The following TMEM132C variants were observed in gnomAD, a reference collection of about 807,000 sequenced individuals.
TMEM132C encodes the protein transmembrane protein 132C.
TMEM132C carries 29 observed loss-of-function variants against 61.4 expected under a neutral mutation model. The observed-to-expected ratio is 0.47, with a 90% CI of 0.35 to 0.64. The LOEUF is 0.64. Among genes scored for constraint, TMEM132C ranks in the 30% least tolerant of loss-of-function variants. The pLI, the probability that TMEM132C is intolerant of heterozygous loss-of-function variation, is 0.00. For missense variants in TMEM132C, 1,408 were observed against 1,476.9 expected (o/e 0.95, Z 0.76); for synonymous variants, 656 against 633.1 (o/e 1.04, Z -0.54).
At chr12:128,402,939 G>A (rs1328959482) in intron 1 of TMEM132C, among the ~76,000 whole-genome samples, 6 of 152,296 alleles carry the variant, frequency 3.9e-5, no homozygotes, top group East Asian at 1.9e-4. Context: ...TAGCATCTGA[G>A]AGTGATTATG....
chr12:128,440,732 C>T (rs1869753845), intron 2 of TMEM132C, among the ~76,000 whole-genome samples: 1 of 152,158 alleles, frequency 6.6e-6, no homozygotes, highest in Non-Finnish European at 1.5e-5. Flanking sequence ...GGACCATTCT[C>T]CTGATATGAT....
chr12:128,412,546 G>A (rs1247090410), intron 1 of TMEM132C, among the ~76,000 whole-genome samples: 2 of 152,120 alleles, frequency 1.3e-5, no homozygotes, highest in Non-Finnish European at 2.9e-5. Flanking sequence ...CCCCTATATT[G>A]TTCTCGGGGT....
At chr12:128,615,945 C>A (rs899990820) in intron 3 of TMEM132C, among the ~76,000 whole-genome samples, 1 of 152,208 alleles carries the variant, frequency 6.6e-6, no homozygotes, top group Admixed American at 6.5e-5. Context: ...ATATTCTTGG[C>A]CCATATCCTT....
chr12:128,663,510 AG>A (rs1954415074), intron 4 of TMEM132C, among the ~76,000 whole-genome samples: 1 of 152,154 alleles, frequency 6.6e-6, no homozygotes, highest in Non-Finnish European at 1.5e-5. Flanking sequence ...GGGATATTCG[AG>A]GTGGGGCGTT....
rs1278363534 is a variant in TMEM132C at position 128,326,695 on chromosome 12, G to T, written c.85+59208G>T. ...TGAAGCAGGATCTCTATTAGCCTTT[G>T]TGCCCCTAAGACGGAGCAGGCTGGA... On this transcript the variant is annotated intron_variant, in intron 1 of 8. Coordinates refer to ENST00000435159, the MANE Select transcript of TMEM132C (RefSeq NM_001136103.3). The surrounding 1 kb of genome is among the most constrained non-coding windows in gnomAD (Gnocchi z 5.6). 6.6e-6 allele frequency among the ~76,000 whole-genome samples: 1 copy of T among 152,192 alleles called. No individual in the cohort carries two copies. The highest frequency in any genetic ancestry group is 1.5e-5 in the Non-Finnish European group (1 of 68,032).
At chr12:128,371,442 A>G (rs560796777) in intron 1 of TMEM132C, among the ~76,000 whole-genome samples, 81 of 152,336 alleles carry the variant, frequency 5.3e-4, no homozygotes, top group African/African-American at 1.9e-3. Context: ...CAGAGCCAAC[A>G]GACTCATCTT....
chr12:128,418,708 G>A (rs189786387), intron 2 of TMEM132C, among the ~76,000 whole-genome samples: 98 of 152,308 alleles, frequency 6.4e-4, no homozygotes, highest in Non-Finnish European at 1.1e-3. Flanking sequence ...ATTGTTAACC[G>A]AACTACAGAG....
chr12:128,594,000 A>G (rs2135568355), intron 3 of TMEM132C, among the ~76,000 whole-genome samples: 1 of 152,026 alleles, frequency 6.6e-6, no homozygotes, highest in East Asian at 2.0e-4. Flanking sequence ...CTGTACCCCA[A>G]CATAAGACCT....
intron 4 of TMEM132C, among the ~76,000 whole-genome samples, chr12:128,637,346 G>A (rs1156267449): frequency 6.6e-6 from 1 of 152,162 alleles, no homozygotes; most frequent in East Asian, 1.9e-4. Flanking sequence ...CCCATTCGCA[G>A]ATGAGAAAGT....
intron 1 of TMEM132C, among the ~76,000 whole-genome samples, chr12:128,368,002 A>G (rs537277739): frequency 3.4e-4 from 52 of 152,326 alleles, no homozygotes; most frequent in African/African-American, 1.1e-3. Flanking sequence ...AAGAGGTCAG[A>G]TAATAAAGGA....
At chr12:128,385,230 T>C (rs185568325) in intron 1 of TMEM132C, among the ~76,000 whole-genome samples, 47 of 150,270 alleles carry the variant, frequency 3.1e-4, no homozygotes, top group African/African-American at 1.1e-3. Flanking sequence ...ATTTGAGACA[T>C]AATCGCCGAG....
intron 1 of TMEM132C, among the ~76,000 whole-genome samples, chr12:128,410,621 G>A (rs1389192137): frequency 1.3e-5 from 2 of 152,006 alleles, no homozygotes; most frequent in Non-Finnish European, 2.9e-5. Context: ...GGCCAGGATG[G>A]TCTCGATCTC....
Position 128,554,610 on chromosome 12 carries a change from T to C in TMEM132C, c.1121+10507T>C, listed in dbSNP as rs192505470. On this transcript the variant is annotated intron_variant, in intron 3 of 8. Transcript: ENST00000435159. ...TGTTTTCTTTAGGAGGTTGATTGCC[T>C]GTATTGTCCAGGTACAGAGTTTGCA... Among the ~76,000 whole-genome samples, 20 of 152,318 alleles carry C rather than the reference T, an allele frequency of 1.3e-4. No homozygotes were observed. The East Asian group carries it at 3.7e-3, about 28-fold the overall frequency.
intron 2 of TMEM132C, among the ~76,000 whole-genome samples, chr12:128,472,094 A>G (rs1256455730): frequency 6.6e-6 from 1 of 152,184 alleles, no homozygotes; most frequent in Non-Finnish European, 1.5e-5. Flanking sequence ...TAAGTCCTGC[A>G]GGAGGCACCT....
intron 1 of TMEM132C, among the ~76,000 whole-genome samples, chr12:128,382,525 G>A (rs965026044): frequency 2.6e-5 from 4 of 152,094 alleles, no homozygotes; most frequent in Admixed American, 6.5e-5. Flanking sequence ...AGTGTTGGAT[G>A]GTAGCACAGC....
intron 2 of TMEM132C, among the ~76,000 whole-genome samples, chr12:128,433,002 AAAATAAATAAATAAATAAATAAAT>A (rs72373120): frequency 3.4e-4 from 50 of 146,574 alleles, no homozygotes; most frequent in Non-Finnish European, 6.6e-4. Flanking sequence ...CACCAGCCAA[AAAATAAATAAATAAATAAATAAAT>A]AAATAAATAA....
intron 4 of TMEM132C, among the ~76,000 whole-genome samples, chr12:128,632,165 A>G (rs1954069989): frequency 6.6e-6 from 1 of 152,236 alleles, no homozygotes; most frequent in South Asian, 2.1e-4. Flanking sequence ...CTTCACAGCC[A>G]CAGACCCTCA....
intron 2 of TMEM132C, among the ~76,000 whole-genome samples, chr12:128,468,991 C>G (rs1870836963): frequency 6.6e-6 from 1 of 152,204 alleles, no homozygotes; most frequent in Admixed American, 6.5e-5. Context: ...AGTTCTCTAA[C>G]TCTCTTGTTT....
chr12:128,473,924 G>A (rs1176616892), intron 2 of TMEM132C, among the ~76,000 whole-genome samples: 1 of 152,190 alleles, frequency 6.6e-6, no homozygotes, highest in Non-Finnish European at 1.5e-5. Context: ...CAGTTTCCAG[G>A]ATGTTGAAGT....
Sources: allele counts gnomAD v4.1 joint callset (sites outside exome capture counted in the v4.1 genomes callset), GRCh38; gene constraint gnomAD v4.1.1; non-coding constraint Gnocchi (gnomAD v3.1); transcripts MANE v1.5; gene names NCBI Gene and HGNC (gene_info 2026-07-23, HGNC 2026-07-21).